The following CTNNA3 variants were observed in gnomAD, a reference collection of about 807,000 sequenced individuals.
CTNNA3 encodes catenin alpha 3.
A neutral mutation model predicts 95.7 loss-of-function variants in CTNNA3; 76 were observed. That is an observed-to-expected ratio of 0.79 (90% confidence interval 0.66 to 0.96). The LOEUF is 0.96. Among genes scored for constraint, CTNNA3 ranks in the 40% least tolerant of loss-of-function variants. CTNNA3 has a pLI of 0.00. For synonymous variants in CTNNA3, 431 were observed against 374.4 expected, an observed-to-expected ratio of 1.15 and a Z score of -1.74; for missense variants, 1,191 against 1,089.8, an observed-to-expected ratio of 1.09 and a Z score of -1.31.
intron 9 of CTNNA3, among the ~76,000 whole-genome samples, chr10:66,739,377 T>C (rs753037806): frequency 1.3e-5 from 2 of 152,176 alleles, no homozygotes; most frequent in Non-Finnish European, 2.9e-5. Flanking sequence ...GGGCACCAAA[T>C]TTCAGAATCC....
In CTNNA3 at chr10:67,539,563, C is replaced by G; in HGVS notation, c.399G>C (p.Thr133=). 8 of 1,613,844 alleles carry G rather than the reference C, an allele frequency of 5.0e-6. No homozygotes were observed. The highest frequency in any genetic ancestry group is 6.8e-6 in the Non-Finnish European group (8 of 1,179,822). ...TCATGTCCGCAAGGATAAGGAGTCT[C>G]GTCACCGCAGCCAGCAAGGCACGGG... ...QAARALLAAV[T]RLLILADMID... The change falls in exon 4 of 18, where the codon ACG becomes ACC. Residue 133 remains threonine, a synonymous_variant. Coordinates refer to ENST00000433211, the MANE Select transcript of CTNNA3 (RefSeq NM_013266.4).
chr10:67,442,104 T>A (rs1438186285), intron 5 of CTNNA3, among the ~76,000 whole-genome samples: 6 of 152,178 alleles, frequency 3.9e-5, no homozygotes, highest in African/African-American at 1.4e-4. Context: ...TTTTTATTAG[T>A]TTTCTTTTTG....
intron 9 of CTNNA3, among the ~76,000 whole-genome samples, chr10:66,659,660 A>C (rs570593832): frequency 1.3e-5 from 2 of 152,302 alleles, no homozygotes; most frequent in African/African-American, 4.8e-5. Context: ...CAGAGCCCTC[A>C]TGAATGGGAT....
chr10:66,576,116 G>T (rs147501105), intron 10 of CTNNA3, among the ~76,000 whole-genome samples: 1 of 151,964 alleles, frequency 6.6e-6, no homozygotes, highest in African/African-American at 2.4e-5. Context: ...CTCCCACTTC[G>T]CCCACAGATG....
At chr10:67,123,041 A>G (rs374330569) in intron 7 of CTNNA3, among the ~76,000 whole-genome samples, 16 of 152,230 alleles carry the variant, frequency 1.1e-4, no homozygotes, top group African/African-American at 3.9e-4. Context: ...TTCAACCCCA[A>G]ATCCATACTA....
chr10:66,421,403 A>G (rs1331691691), intron 11 of CTNNA3, among the ~76,000 whole-genome samples: 1 of 152,170 alleles, frequency 6.6e-6, no homozygotes, highest in Non-Finnish European at 1.5e-5. Context: ...AAGTAGCTAT[A>G]AGAAAGGACT....
chr10:66,528,472 A>G (rs1037443494), intron 10 of CTNNA3, among the ~76,000 whole-genome samples: 1 of 152,158 alleles, frequency 6.6e-6, no homozygotes, highest in Admixed American at 6.5e-5. Flanking sequence ...TAGGTATTAG[A>G]AGCTTGTATT....
intron 11 of CTNNA3, among the ~76,000 whole-genome samples, chr10:66,461,173 G>C (rs929618198): frequency 6.6e-6 from 1 of 152,056 alleles, no homozygotes; most frequent in Admixed American, 6.6e-5. Context: ...CTTGCAGGAT[G>C]TGCGCATTTC....
chr10:66,932,933 T>C (rs1294154086), intron 7 of CTNNA3, among the ~76,000 whole-genome samples: 3 of 152,216 alleles, frequency 2.0e-5, no homozygotes, highest in Non-Finnish European at 4.4e-5. Context: ...TTCAAGTTCC[T>C]TTGACACTTG....
chr10:66,051,242 C>T (rs760858434), intron 15 of CTNNA3, among the ~76,000 whole-genome samples: 8 of 152,142 alleles, frequency 5.3e-5, no homozygotes, highest in Non-Finnish European at 1.2e-4. Context: ...GAAATTGAGT[C>T]CAAATTCAGA....
chr10:67,711,871 A>G (rs1367953531), intron 1 of CTNNA3, among the ~76,000 whole-genome samples: 2 of 151,634 alleles, frequency 1.3e-5, no homozygotes, highest in Non-Finnish European at 2.9e-5. Flanking sequence ...ACTGAGAATG[A>G]TGATTTCCAA....
At chr10:66,366,422 CAT>C (rs2092711679) in intron 12 of CTNNA3, among the ~76,000 whole-genome samples, 1 of 152,168 alleles carries the variant, frequency 6.6e-6, no homozygotes, top group Non-Finnish European at 1.5e-5. Context: ...CCCCAAAATT[CAT>C]ATGTTAAAAC....
chr10:66,199,594 G>A (rs1010473383), intron 13 of CTNNA3, among the ~76,000 whole-genome samples: 1 of 150,048 alleles, frequency 6.7e-6, no homozygotes, highest in Non-Finnish European at 1.5e-5. Context: ...TAGTTTGTTT[G>A]TTTGTTTGTT....
At chr10:67,055,772 G>C (rs1045653633) in intron 7 of CTNNA3, among the ~76,000 whole-genome samples, 4 of 152,056 alleles carry the variant, frequency 2.6e-5, no homozygotes, top group Admixed American at 6.6e-5. Flanking sequence ...GTACCTCAAA[G>C]GTTCTTAAAA....
At chr10:66,709,960 C>T (rs1848239701) in intron 9 of CTNNA3, among the ~76,000 whole-genome samples, 1 of 152,142 alleles carries the variant, frequency 6.6e-6, no homozygotes, top group South Asian at 2.1e-4. Context: ...ACTAATAACA[C>T]TATACGTTGC....
intron 7 of CTNNA3, among the ~76,000 whole-genome samples, chr10:67,015,038 T>A (rs970744869): frequency 7.9e-5 from 12 of 152,094 alleles, no homozygotes; most frequent in Non-Finnish European, 2.9e-5. Flanking sequence ...ACAAGGGCAC[T>A]CCAAAGTTGA....
At chr10:66,801,198 T>C (rs187689991) in intron 7 of CTNNA3, among the ~76,000 whole-genome samples, 108 of 151,390 alleles carry the variant, frequency 7.1e-4, no homozygotes, top group African/African-American at 2.5e-3. Flanking sequence ...AGAAAAAATG[T>C]CTCACACATC....
chr10:66,424,675 G>A (rs2093224052), intron 11 of CTNNA3, among the ~76,000 whole-genome samples: 1 of 152,064 alleles, frequency 6.6e-6, no homozygotes. Context: ...TTCGAAACTT[G>A]AAGAGACTTT....
chr10:67,128,268 T>C (rs1163577511), intron 7 of CTNNA3, among the ~76,000 whole-genome samples: 1 of 152,160 alleles, frequency 6.6e-6, no homozygotes, highest in Non-Finnish European at 1.5e-5. Flanking sequence ...AGACTCAGTT[T>C]ATAATTTTAA....
Sources: gnomAD v4.1 joint callset for allele counts (sites outside exome capture counted in the v4.1 genomes callset) on GRCh38, gnomAD v4.1.1 for gene constraint, MANE v1.5 for transcripts, NCBI Gene and HGNC (gene_info 2026-07-23, HGNC 2026-07-21) for gene names.